LPP: variants seen among roughly 807,000 people sequenced by gnomAD.
The protein encoded by LPP is LIM domain containing preferred translocation partner in lipoma, also known as lipoma-preferred partner.
Under a neutral mutation model 60.4 loss-of-function variants are expected in LPP, and 38 were observed. The observed-to-expected ratio is 0.63, with a 90% confidence interval of 0.49 to 0.83. The LOEUF is 0.83. LPP is among the 40% of genes least tolerant of loss of function. The pLI is 0.00. For missense variants in LPP, 902 were observed against 783.6 expected (o/e 1.15, Z -1.80); for synonymous variants, 328 against 290.8 (o/e 1.13, Z -1.30).
intron 6 of LPP, among the ~76,000 whole-genome samples, chr3:188,595,917 T>TGA (rs936535213): frequency 6.6e-5 from 10 of 151,982 alleles, no homozygotes; most frequent in African/African-American, 2.2e-4. Flanking sequence ...AAGACAGGCG[T>TGA]GAGAGAGAGA....
chr3:188,608,081 A>G (rs943366889), intron 6 of LPP, among the ~76,000 whole-genome samples: 4 of 152,150 alleles, frequency 2.6e-5, no homozygotes, highest in African/African-American at 9.7e-5. Flanking sequence ...TGTGCACAAT[A>G]GATTAGACCA....
chr3:188,593,333 A>T (rs1238691592), intron 6 of LPP, among the ~76,000 whole-genome samples: 1 of 151,714 alleles, frequency 6.6e-6, no homozygotes, highest in Non-Finnish European at 1.5e-5. Context: ...TCTCCCTCTC[A>T]CACACACACA....
At chr3:188,541,489 C>A (rs1365251859) in intron 6 of LPP, among the ~76,000 whole-genome samples, 1 of 151,658 alleles carries the variant, frequency 6.6e-6, no homozygotes, top group African/African-American at 2.4e-5. Context: ...GGAGGAAAAA[C>A]CATAACCTAG....
chr3:188,302,729 A>T (rs1285561497), intron 2 of LPP, among the ~76,000 whole-genome samples: 1 of 152,218 alleles, frequency 6.6e-6, no homozygotes, highest in Non-Finnish European at 1.5e-5. Context: ...AAAGCCAGAA[A>T]AGACAGCTAT....
intron 3 of LPP, among the ~76,000 whole-genome samples, chr3:188,347,382 G>A (rs184605972): frequency 2.3e-4 from 35 of 152,238 alleles, no homozygotes; most frequent in Admixed American, 2.0e-3. Flanking sequence ...AATAAAAAAA[G>A]CTAGATAATC....
At chr3:188,393,481 G>A (rs1350226324) in intron 3 of LPP, among the ~76,000 whole-genome samples, 1 of 152,078 alleles carries the variant, frequency 6.6e-6, no homozygotes, top group East Asian at 1.9e-4. Context: ...CTGTATTCAG[G>A]ATTCACTTGG....
intron 8 of LPP, among the ~76,000 whole-genome samples, chr3:188,742,055 T>C (rs1169683355): frequency 6.6e-6 from 1 of 152,100 alleles, no homozygotes; most frequent in Non-Finnish European, 1.5e-5. Flanking sequence ...AAATGAAAAA[T>C]GCTCAATATA....
intron 7 of LPP, among the ~76,000 whole-genome samples, chr3:188,632,819 T>G (rs1284902526): frequency 2.6e-5 from 4 of 152,138 alleles, no homozygotes. Flanking sequence ...TTCCTCCATT[T>G]CTCTCTTGCT....
intron 9 of LPP, among the ~76,000 whole-genome samples, chr3:188,816,240 C>T (rs1348275372): frequency 4.7e-5 from 6 of 128,166 alleles, no homozygotes; most frequent in African/African-American, 1.8e-4. Context: ...CTCGCTCTGT[C>T]GCCCAGGCTG....
chr3:188,465,278 T>G (rs895148500), intron 4 of LPP, among the ~76,000 whole-genome samples: 4 of 152,172 alleles, frequency 2.6e-5, no homozygotes, highest in Non-Finnish European at 5.9e-5. Context: ...CAGGACCTGG[T>G]GTTTGGTTTG....
chr3:188,496,478 C>T (rs1397755337), intron 5 of LPP, among the ~76,000 whole-genome samples: 1 of 152,092 alleles, frequency 6.6e-6, no homozygotes, highest in Non-Finnish European at 1.5e-5. Flanking sequence ...TCACTTGAAC[C>T]TTTAGACAAC....
Position 188,179,155 on chromosome 3 carries a change from C to T in LPP, c.-190+24903C>T, listed in dbSNP as rs117483185. 1.9e-3 allele frequency: 775 copies of T among 416,490 alleles called. 36 individuals carry two copies. The East Asian group carries it at 0.049, about 26-fold the overall frequency. 25.8% of individuals were successfully genotyped at this position (416,490 alleles called of 1,614,324 possible). A position where few individuals can be genotyped will look rare whatever the true frequency, so the allele number is the denominator to read the frequency against. The stretch of plus-strand genomic sequence containing the variant: ...TGATATGGGGTCTACATATTCCCCC[C>T]GGCCCCCATTCCCTATTATCATAGA... On this transcript the variant is annotated intron_variant, in intron 1 of 11. Coordinates refer to ENST00000617246, the MANE Select transcript of LPP (RefSeq NM_001375462.1).
In LPP at chr3:188,885,079, C is replaced by T. The variant is rs1347152485; in HGVS notation, c.*10600C>T. On this transcript the variant is annotated 3_prime_UTR_variant, in exon 12 of 12. Coordinates refer to ENST00000617246, the MANE Select transcript of LPP (RefSeq NM_001375462.1). Reference sequence around the variant, plus strand: ...CGTAACAGTTCAGCAAGCAAGTGTTCCTTCTCTTGAGCTGCGTCCCTCAGG... The same window carrying T: ...CGTAACAGTTCAGCAAGCAAGTGTTTCTTCTCTTGAGCTGCGTCCCTCAGG... 4.7e-6 allele frequency: 1 copy of T among 214,068 alleles called. No homozygotes were observed. Among genetic ancestry groups the T allele is most frequent in the Non-Finnish European group, 9.4e-6 (1 of 106,074 alleles). 13.3% of individuals were successfully genotyped at this position (214,068 alleles called of 1,614,324 possible).
chr3:188,481,717 T>C (rs919225325), intron 4 of LPP, among the ~76,000 whole-genome samples: 2 of 152,192 alleles, frequency 1.3e-5, no homozygotes, highest in African/African-American at 2.4e-5. Context: ...AGGAATAACA[T>C]GTTGTGGTTC....
intron 3 of LPP, among the ~76,000 whole-genome samples, chr3:188,386,225 T>C (rs1450626364): frequency 6.7e-6 from 1 of 148,984 alleles, no homozygotes; most frequent in African/African-American, 2.5e-5. Context: ...TCTTGGAAAG[T>C]GCACCTTCAG....
At chr3:188,232,330 A>G (rs905329313) in intron 2 of LPP, among the ~76,000 whole-genome samples, 7 of 151,470 alleles carry the variant, frequency 4.6e-5, no homozygotes, top group Non-Finnish European at 1.0e-4. Context: ...ACTCTCAGCA[A>G]TTTTTTTTAA....
At chr3:188,465,109 A>G (rs989585964) in intron 4 of LPP, among the ~76,000 whole-genome samples, 2 of 152,124 alleles carry the variant, frequency 1.3e-5, no homozygotes, top group African/African-American at 2.4e-5. Flanking sequence ...AGACAGTGTG[A>G]TATTCTCTGG....
chr3:188,484,104 C>A (rs538479945), intron 4 of LPP, among the ~76,000 whole-genome samples: 1 of 152,122 alleles, frequency 6.6e-6, no homozygotes, highest in Non-Finnish European at 1.5e-5. Context: ...CAAGGATGGA[C>A]GTACCTTCTA....
rs1353889180 is a variant in LPP, at chr3:188,880,900, G to A, written c.*6421G>A. On this transcript the variant is annotated 3_prime_UTR_variant, in exon 12 of 12. Coordinates refer to ENST00000617246, the MANE Select transcript of LPP (RefSeq NM_001375462.1). ...TAGAATCATGCTTTGGGAGGCCAAGGCGGGCCGATCACGAGGTCAGGAGAT... is the reference window on the plus strand; with the variant it reads ...TAGAATCATGCTTTGGGAGGCCAAGACGGGCCGATCACGAGGTCAGGAGAT... The A allele has an allele frequency of 5.9e-6, 1 of 170,796 alleles. No individual in the cohort carries two copies. The highest frequency in any genetic ancestry group is 1.3e-5 in the Non-Finnish European group (1 of 78,870). 10.6% of individuals were successfully genotyped at this position (170,796 alleles called of 1,614,324 possible).
Sources: gnomAD v4.1 joint callset for allele counts (sites outside exome capture counted in the v4.1 genomes callset) on GRCh38, gnomAD v4.1.1 for gene constraint, MANE v1.5 for transcripts, NCBI Gene and HGNC (gene_info 2026-07-23, HGNC 2026-07-21) for gene names.